ATP10D: variants seen among roughly 807,000 people sequenced by gnomAD.
ATP10D encodes the protein phospholipid-transporting ATPase VD.
A neutral mutation model predicts 144.8 loss-of-function variants in ATP10D; 89 were observed. The observed-to-expected ratio is 0.61, with a 90% confidence interval of 0.52 to 0.73. The LOEUF (loss-of-function observed/expected upper bound fraction) is 0.73. ATP10D is among the 30% of genes least tolerant of loss of function. The pLI, the probability that ATP10D is intolerant of heterozygous loss-of-function variation, is 0.00. For missense variants in ATP10D, 1,603 were observed against 1,714.8 expected, an observed-to-expected ratio of 0.93 and a Z score of 1.15; for synonymous variants, 571 against 615.1, an observed-to-expected ratio of 0.93 and a Z score of 1.06.
intron 11 of ATP10D, among the ~76,000 whole-genome samples, chr4:47,555,758 C>CTT (rs1000233645): frequency 6.8e-6 from 1 of 147,104 alleles, no homozygotes; most frequent in Non-Finnish European, 1.5e-5. Flanking sequence ...TTTTTTCTTC[C>CTT]TTTTTTTTTT....
Position 47,536,004 on chromosome 4 carries a change from T to C in ATP10D, c.986T>C (p.Leu329Pro), listed in dbSNP as rs1275668699. The C allele has an allele frequency of 1.2e-6, 2 of 1,612,674 alleles. No homozygotes were observed. The highest frequency in any genetic ancestry group is 1.3e-5 in the African/African-American group (1 of 74,844). ...GATGTCCTCTGGTGTGTCATGCTTC[T>C]GGTCATAATGTGCTTAACTGGCGCA... ...NTDVLWCVMLLVIMCLTGAVG... is the reference protein window; with the variant it reads ...NTDVLWCVMLPVIMCLTGAVG... The change falls in exon 7 of 23, where the codon CTG (leucine) becomes CCG (proline). Residue 329 changes from leucine to proline, a missense_variant. Coordinates refer to ENST00000273859, the MANE Select transcript of ATP10D (RefSeq NM_020453.4).
At chr4:47,497,131 G>A (rs923598522) in intron 1 of ATP10D, among the ~76,000 whole-genome samples, 12 of 151,430 alleles carry the variant, frequency 7.9e-5, no homozygotes, top group East Asian at 2.0e-4. Context: ...GTGAGCCACC[G>A]CACCTGGCCT....
intron 20 of ATP10D, among the ~76,000 whole-genome samples, chr4:47,581,589 A>C (rs1720518760): frequency 6.6e-6 from 1 of 152,200 alleles, no homozygotes; most frequent in Non-Finnish European, 1.5e-5. Flanking sequence ...ACTTGAAGAC[A>C]TATAGGAAAG....
At position 47,568,859 on chromosome 4, in the gene ATP10D, G is replaced by A. The variant is rs17462252; in HGVS notation, c.2876G>A (p.Ser959Asn). ...QSKDACGMLM[S>N]TILKELQKKT... ...AAGGATGCCTGTGGGATGCTGATGA[G>A]CACAATTTTGAAAGAACTTCAGAAG... Residue 959 changes from serine (S) to asparagine (N), a missense_variant, in exon 16 of 23, where the codon AGC (serine) becomes AAC (asparagine). Coordinates refer to ENST00000273859, the MANE Select transcript of ATP10D (RefSeq NM_020453.4). The A allele has an allele frequency of 0.062, 99,317 of 1,613,900 alleles. 3,666 individuals are homozygous for A. Among genetic ancestry groups the A allele is most frequent in the Non-Finnish European group, 0.07 (82,972 of 1,179,872 alleles).
intron 2 of ATP10D, 138 bp from the exon 3 acceptor site, chr4:47,515,338 G>A (rs1716574621): frequency 3.2e-6 from 2 of 620,346 alleles, no homozygotes; most frequent in Non-Finnish European, 5.5e-6. Flanking sequence ...AAGATTCATT[G>A]TATTCTGCTA....
intron 10 of ATP10D, among the ~76,000 whole-genome samples, chr4:47,551,577 C>T (rs543536126): frequency 6.6e-6 from 1 of 152,336 alleles, no homozygotes; most frequent in East Asian, 1.9e-4. Flanking sequence ...TATGACAATA[C>T]ACTTTTATTG....
intron 1 of ATP10D, among the ~76,000 whole-genome samples, chr4:47,502,049 T>A (rs1560410550): frequency 1.3e-5 from 2 of 152,176 alleles, no homozygotes; most frequent in African/African-American, 4.8e-5. Context: ...ATGAGTAAGA[T>A]TTCTTTTAGT....
intron 10 of ATP10D, among the ~76,000 whole-genome samples, chr4:47,547,746 C>T (rs578008902): frequency 6.6e-6 from 1 of 152,042 alleles, no homozygotes; most frequent in South Asian, 2.1e-4. Context: ...TATGAGTAGA[C>T]CCCTGGGGTC....
intron 21 of ATP10D, among the ~76,000 whole-genome samples, chr4:47,586,516 T>C (rs1720798993): frequency 6.6e-6 from 1 of 152,156 alleles, no homozygotes; most frequent in Non-Finnish European, 1.5e-5. Flanking sequence ...ATTTTATTAG[T>C]CAAAGCAAGA....
rs1359722592 is a variant in ATP10D, at chr4:47,546,723, C to T, written c.1496C>T (p.Pro499Leu). 6.2e-7 allele frequency: 1 copy of T among 1,614,106 alleles called. No homozygotes were observed. Among genetic ancestry groups the T allele is most frequent in the East Asian group, 2.2e-5 (1 of 44,876 alleles). The change falls in exon 10 of 23, where the codon CCC becomes CTC. Residue 499 changes from proline (P) to leucine (L), a missense_variant. Physicochemically the swap from Pro to Leu is moderately conservative, Grantham distance 98. Coordinates refer to ENST00000273859, the MANE Select transcript of ATP10D (RefSeq NM_020453.4). ...AGCAATATGGCAAAACCGAGAGCCC[C>T]CAGCTGCAGGACAGTTCATAATGGG... ...SLSNMAKPRAPSCRTVHNGPL... is the reference protein window; with the variant it reads ...SLSNMAKPRALSCRTVHNGPL...
At position 47,523,045 on chromosome 4, in the gene ATP10D, A is replaced by G. The variant is rs367712180; in HGVS notation, c.519A>G (p.Lys173=). 2.2e-5 allele frequency: 35 copies of G among 1,613,756 alleles called. No homozygotes were observed. The African/African-American group carries it at 4.0e-4, about 18-fold the overall frequency. ...KEKKYIDRCW[K]DVTVGDFIRL... ...AAAAATACATTGACCGATGCTGGAA[A>G]GACGTTACTGTTGGGGACTTTATTC... Residue 173 remains lysine (K), a synonymous_variant, in exon 4 of 23, where the codon AAA becomes AAG. Coordinates refer to ENST00000273859, the MANE Select transcript of ATP10D (RefSeq NM_020453.4).
rs28735733 is a variant in ATP10D at position 47,502,419 on chromosome 4, G to A, written c.-37-10085G>A. ...CAGGAGGCAGAGCTTGCAGTGAGCC[G>A]AGATAGCGCCACTGCACTCCAGCCT... On this transcript the variant is annotated intron_variant, in intron 1 of 22. Transcript: ENST00000273859. Among the ~76,000 whole-genome samples, 167 of 151,694 alleles carry A rather than the reference G, an allele frequency of 1.1e-3. 1 individual carries two copies. Among genetic ancestry groups the A allele is most frequent in the African/African-American group, 3.9e-3 (163 of 41,388 alleles).
intron 5 of ATP10D, among the ~76,000 whole-genome samples, chr4:47,533,663 T>C (rs1717681452): frequency 1.3e-5 from 2 of 152,206 alleles, no homozygotes; most frequent in Non-Finnish European, 2.9e-5. Flanking sequence ...TGTTGCTCTG[T>C]ATTTTTGCCA....
intron 10 of ATP10D, among the ~76,000 whole-genome samples, chr4:47,553,840 TCTC>T (rs1718843197): frequency 6.6e-6 from 1 of 152,226 alleles, no homozygotes; most frequent in African/African-American, 2.4e-5. Flanking sequence ...TTTCTCTAAA[TCTC>T]CTCTCCTGGC....
At chr4:47,503,079 G>GT (rs1331838389) in intron 1 of ATP10D, among the ~76,000 whole-genome samples, 1 of 152,174 alleles carries the variant, frequency 6.6e-6, no homozygotes. Flanking sequence ...GCGCATGCCT[G>GT]TAATCCCAGC....
At chr4:47,502,418 C>T (rs1577615681) in intron 1 of ATP10D, among the ~76,000 whole-genome samples, 1 of 151,358 alleles carries the variant, frequency 6.6e-6, no homozygotes, top group African/African-American at 2.4e-5. Flanking sequence ...TGCAGTGAGC[C>T]GAGATAGCGC....
At chr4:47,568,223 G>A (rs775982004) in intron 15 of ATP10D, among the ~76,000 whole-genome samples, 39 of 152,250 alleles carry the variant, frequency 2.6e-4, no homozygotes, top group Non-Finnish European at 5.3e-4. Flanking sequence ...CAGAATGCAA[G>A]TGCCATGAGG....
intron 1 of ATP10D, among the ~76,000 whole-genome samples, chr4:47,507,014 T>A (rs1433809838): frequency 6.6e-6 from 1 of 152,228 alleles, no homozygotes; most frequent in Non-Finnish European, 1.5e-5. Context: ...GTTAGTTAGT[T>A]GCCTAGAAGC....
At chr4:47,566,405 T>C (rs1484057697) in intron 15 of ATP10D, among the ~76,000 whole-genome samples, 1 of 152,152 alleles carries the variant, frequency 6.6e-6, no homozygotes, top group Non-Finnish European at 1.5e-5. Flanking sequence ...TTCATTTAAA[T>C]TTTTCTCCTC....
Sources: gnomAD v4.1 joint callset for allele counts (sites outside exome capture counted in the v4.1 genomes callset) on GRCh38, gnomAD v4.1.1 for gene constraint, MANE v1.5 for transcripts, NCBI Gene and HGNC (gene_info 2026-07-23, HGNC 2026-07-21) for gene names.